The following AMOTL1 variants were observed in gnomAD, a reference collection of about 807,000 sequenced individuals.
AMOTL1 encodes angiomotin-like protein 1.
Under a neutral mutation model 102.9 loss-of-function variants are expected in AMOTL1, and 45 were observed. The ratio of observed to expected loss-of-function variants is 0.44; its 90% CI spans 0.34 to 0.56. AMOTL1 has a LOEUF of 0.56. Ranked by LOEUF, AMOTL1 falls within the 20% of genes least tolerant of loss-of-function variation. AMOTL1 has a pLI of 0.01. For missense variants in AMOTL1, 1,114 were observed against 1,225.6 expected (o/e 0.91, Z 1.36); for synonymous variants, 481 against 484.7 (o/e 0.99, Z 0.10).
At chr11:94,826,661 C>G (rs1485301717) in intron 4 of AMOTL1, among the ~76,000 whole-genome samples, 1 of 152,154 alleles carries the variant, frequency 6.6e-6, no homozygotes, top group Non-Finnish European at 1.5e-5. Flanking sequence ...CTTACTACTG[C>G]GAGAAAGGCA....
intron 1 of AMOTL1, among the ~76,000 whole-genome samples, chr11:94,788,798 T>C (rs530055559): frequency 2.6e-5 from 4 of 152,388 alleles, no homozygotes; most frequent in South Asian, 2.1e-4. Flanking sequence ...TTGGTTTATA[T>C]TGATAATATC....
intron 3 of AMOTL1, among the ~76,000 whole-genome samples, chr11:94,810,667 T>A (rs1951661965): frequency 6.6e-6 from 1 of 152,006 alleles, no homozygotes; most frequent in East Asian, 1.9e-4. Flanking sequence ...CTTTAAGGAA[T>A]CCTGGGCTAT....
chr11:94,794,313 C>T (rs769622618), intron 1 of AMOTL1, among the ~76,000 whole-genome samples: 1 of 152,156 alleles, frequency 6.6e-6, no homozygotes, highest in South Asian at 2.1e-4. Flanking sequence ...GTTGTGTGTG[C>T]GGTATCAGTG....
chr11:94,751,584 T>A (rs1950654575), intron 3 of AMOTL1, among the ~76,000 whole-genome samples: 1 of 152,018 alleles, frequency 6.6e-6, no homozygotes, highest in Non-Finnish European at 1.5e-5. Context: ...AAAGTGATAT[T>A]ACACATTGCT....
intron 9 of AMOTL1, among the ~76,000 whole-genome samples, chr11:94,860,508 G>T (rs938473285): frequency 1.2e-4 from 18 of 152,122 alleles, no homozygotes; most frequent in African/African-American, 4.1e-4. Context: ...ACATACTGTT[G>T]TCAGAGTGAG....
At chr11:94,849,452 A>T (rs1429812864) in intron 6 of AMOTL1, among the ~76,000 whole-genome samples, 3 of 152,244 alleles carry the variant, frequency 2.0e-5, no homozygotes, top group African/African-American at 7.2e-5. Context: ...AGAGCATACC[A>T]GCCTTGGCTT....
intron 3 of AMOTL1, among the ~76,000 whole-genome samples, chr11:94,813,604 C>G (rs1009636406): frequency 6.6e-6 from 1 of 152,198 alleles, no homozygotes; most frequent in African/African-American, 2.4e-5. Context: ...CCTGCCATCT[C>G]TTTAGACACA....
chr11:94,792,890 G>A (rs1363811121), intron 1 of AMOTL1, among the ~76,000 whole-genome samples: 1 of 152,108 alleles, frequency 6.6e-6, no homozygotes, highest in African/African-American at 2.4e-5. Flanking sequence ...GTAGTGTTCT[G>A]TGGTTTGGAG....
At position 94,874,418 on chromosome 11, in the gene AMOTL1, G is replaced by A. The variant is rs1016815862; in HGVS notation, c.*3623G>A. 1.3e-5 allele frequency: 2 copies of A among 152,332 alleles called. No homozygotes were observed. Among genetic ancestry groups the A allele is most frequent in the African/African-American group, 4.8e-5 (2 of 41,462 alleles). 9.4% of individuals were successfully genotyped at this position (152,332 alleles called of 1,614,324 possible). A position where few individuals can be genotyped will look rare whatever the true frequency, so the allele number is the denominator to read the frequency against. On this transcript the variant is annotated 3_prime_UTR_variant, in exon 13 of 13. Coordinates refer to ENST00000433060, the MANE Select transcript of AMOTL1 (RefSeq NM_130847.3). ...CTTGGCCCTCCTCAGGCTTTCGTTGGGAGAGCAGGCAGTGGTGGAGCCCTT... is the reference window on the plus strand; with the variant it reads ...CTTGGCCCTCCTCAGGCTTTCGTTGAGAGAGCAGGCAGTGGTGGAGCCCTT...
At chr11:94,742,883 G>A (rs371562508) in intron 3 of AMOTL1, among the ~76,000 whole-genome samples, 12 of 152,160 alleles carry the variant, frequency 7.9e-5, no homozygotes, top group African/African-American at 2.7e-4. Flanking sequence ...GGGCCAGGGA[G>A]CTCTTGCGGT....
At chr11:94,766,099 AACG>A (rs1330132236), upstream of AMOTL1, among the ~76,000 whole-genome samples, 2 of 125,400 alleles carry the variant, frequency 1.6e-5, no homozygotes, top group Admixed American at 1.8e-4. Context: ...CAGGATAAAC[AACG>A]AGTCAATGAG....
At chr11:94,858,990 G>T (rs928128258) in intron 8 of AMOTL1, among the ~76,000 whole-genome samples, 3 of 152,178 alleles carry the variant, frequency 2.0e-5, no homozygotes, top group Non-Finnish European at 4.4e-5. Flanking sequence ...AGTGGGGCAG[G>T]TGTGAATACC....
At chr11:94,769,951 C>T (rs2135513909) in intron 1 of AMOTL1, among the ~76,000 whole-genome samples, 1 of 152,256 alleles carries the variant, frequency 6.6e-6, no homozygotes, top group East Asian at 1.9e-4. Flanking sequence ...AACCTGCTCA[C>T]CATAAACGAA....
At chr11:94,763,607 C>T (rs1950821234), upstream of AMOTL1, among the ~76,000 whole-genome samples, 1 of 152,174 alleles carries the variant, frequency 6.6e-6, no homozygotes, top group Admixed American at 6.5e-5. Flanking sequence ...ATAATATAAA[C>T]AGTTGATTAA....
intron 3 of AMOTL1, 42 bp from the exon 4 acceptor site, chr11:94,821,488 C>T: frequency 1.3e-6 from 2 of 1,584,828 alleles, no homozygotes; most frequent in South Asian, 1.2e-5. Flanking sequence ...CTGCTCCCAC[C>T]ATTTCCCCAG....
At chr11:94,751,794 A>ACACACACGTG (rs1394851773) in intron 3 of AMOTL1, among the ~76,000 whole-genome samples, 1 of 151,410 alleles carries the variant, frequency 6.6e-6, no homozygotes, top group African/African-American at 2.4e-5. Context: ...ACACACACAC[A>ACACACACGTG]CACACACGTG....
chr11:94,768,094 A>T (rs1950877841), upstream of AMOTL1, among the ~76,000 whole-genome samples: 1 of 152,206 alleles, frequency 6.6e-6, no homozygotes, highest in Non-Finnish European at 1.5e-5. Context: ...GGTGAGTCTG[A>T]AATTAATCAA....
intron 9 of AMOTL1, among the ~76,000 whole-genome samples, chr11:94,860,193 C>T (rs1249757916): frequency 6.6e-6 from 1 of 152,134 alleles, no homozygotes. Flanking sequence ...AGATAATCCC[C>T]ATAGCAGCCC....
At chr11:94,856,249 A>G (rs1258631081) in intron 8 of AMOTL1, among the ~76,000 whole-genome samples, 5 of 152,110 alleles carry the variant, frequency 3.3e-5, no homozygotes, top group Non-Finnish European at 5.9e-5. Flanking sequence ...AGGATGCTCA[A>G]TCTTATTATT....
Sources: gnomAD v4.1 joint callset for allele counts (sites outside exome capture counted in the v4.1 genomes callset) on GRCh38, gnomAD v4.1.1 for gene constraint, MANE v1.5 for transcripts, NCBI Gene and HGNC (gene_info 2026-07-23, HGNC 2026-07-21) for gene names.